Variants in IFNG-AS1 observed in about 807,000 individuals in gnomAD.
IFNG-AS1 encodes the protein IFNG regulatory antisense RNA 1.
chr12:67,997,646 C>T (rs1371019336), intron 2 of IFNG-AS1, among the ~76,000 whole-genome samples: 1 of 150,578 alleles, frequency 6.6e-6, no homozygotes, highest in Non-Finnish European at 1.5e-5. Flanking sequence ...AAAAGATTGA[C>T]GAGTGGCCAC....
At chr12:68,008,387 G>C (rs1010258708) in intron 3 of IFNG-AS1, among the ~76,000 whole-genome samples, 2 of 148,220 alleles carry the variant, frequency 1.3e-5, no homozygotes, top group African/African-American at 5.0e-5. Context: ...CTGCACTCCA[G>C]CCTGGGCGAC....
At chr12:67,997,789 C>A (rs965682942) in intron 2 of IFNG-AS1, among the ~76,000 whole-genome samples, 2 of 151,360 alleles carry the variant, frequency 1.3e-5, no homozygotes, top group African/African-American at 2.4e-5. Flanking sequence ...ATTAAAAACT[C>A]CTAAAATTGA....
intron 4 of IFNG-AS1, chr12:68,021,306 T>C (rs1880284651): frequency 6.6e-6 from 1 of 152,194 alleles, no homozygotes; most frequent in Non-Finnish European, 1.5e-5. Context: ...ACAACAACAG[T>C]AATAATAGCT....
At position 68,007,811 on chromosome 12, in the gene IFNG-AS1, G is replaced by A. The variant is rs114310873; in HGVS notation, n.241+1665G>A. ...GACAGAAGAATAGGAGGCAGAGATAGAGAAAGACAGAGGAAGGGAGAGATG... is the reference window on the plus strand; with the variant it reads ...GACAGAAGAATAGGAGGCAGAGATAAAGAAAGACAGAGGAAGGGAGAGATG... On this transcript the variant is annotated intron_variant and non_coding_transcript_variant, in intron 3 of 5. Transcript: ENST00000536914. Among the ~76,000 whole-genome samples the A allele has an allele frequency of 9.8e-3, 1,489 of 152,320 alleles. 26 individuals carry two copies. Among genetic ancestry groups the A allele is most frequent in the African/African-American group, 0.034 (1,393 of 41,574 alleles).
At chr12:68,007,052 T>A (rs1232439325) in intron 3 of IFNG-AS1, among the ~76,000 whole-genome samples, 2 of 152,236 alleles carry the variant, frequency 1.3e-5, no homozygotes. Flanking sequence ...AGTGCTTATC[T>A]ATAAAAACAG....
At chr12:68,008,937 G>A (rs1343783686) in intron 3 of IFNG-AS1, among the ~76,000 whole-genome samples, 1 of 152,192 alleles carries the variant, frequency 6.6e-6, no homozygotes, top group African/African-American at 2.4e-5. Flanking sequence ...TCTGCTACAA[G>A]CACTCCATGT....
At chr12:68,014,511 TGTG>T (rs1880102462) in intron 3 of IFNG-AS1, among the ~76,000 whole-genome samples, 1 of 152,212 alleles carries the variant, frequency 6.6e-6, no homozygotes, top group East Asian at 1.9e-4. Context: ...GGTATCATAT[TGTG>T]GTTTTGATAT....
intron 1 of IFNG-AS1, among the ~76,000 whole-genome samples, chr12:67,989,995 G>A (rs773045609): frequency 2.0e-5 from 3 of 152,150 alleles, no homozygotes; most frequent in Non-Finnish European, 4.4e-5. Context: ...GGAAGAAAAT[G>A]CCATGGGCGC....
chr12:67,992,524 A>G (rs1384599509), intron 1 of IFNG-AS1, among the ~76,000 whole-genome samples: 1 of 152,208 alleles, frequency 6.6e-6, no homozygotes, highest in East Asian at 1.9e-4. Context: ...TCTAACAGTG[A>G]CAGCTTCCAA....
At chr12:68,015,707 C>T (rs1880136134) in intron 3 of IFNG-AS1, among the ~76,000 whole-genome samples, 1 of 152,076 alleles carries the variant, frequency 6.6e-6, no homozygotes, top group African/African-American at 2.4e-5. Flanking sequence ...AAAGAGGAGT[C>T]AAAGACCAAA....
chr12:68,014,249 G>T (rs1880096612), intron 3 of IFNG-AS1, among the ~76,000 whole-genome samples: 1 of 152,174 alleles, frequency 6.6e-6, no homozygotes, highest in Admixed American at 6.5e-5. Context: ...TGCTATAAAC[G>T]TGTGTGCAAG....
intron 1 of IFNG-AS1, among the ~76,000 whole-genome samples, chr12:67,994,495 A>AT (rs1271512544): frequency 1.3e-5 from 2 of 152,164 alleles, no homozygotes; most frequent in African/African-American, 4.8e-5. Context: ...AAATACGGAG[A>AT]TTTTTTAAAT....
intron 1 of IFNG-AS1, among the ~76,000 whole-genome samples, chr12:67,991,683 C>T (rs978407469): frequency 2.6e-5 from 4 of 152,190 alleles, no homozygotes; most frequent in Non-Finnish European, 4.4e-5. Context: ...TTGGCTTCTC[C>T]GCACCAGGGA....
intron 3 of IFNG-AS1, among the ~76,000 whole-genome samples, chr12:68,009,796 T>G (rs1024575164): frequency 6.6e-6 from 1 of 152,192 alleles, no homozygotes; most frequent in African/African-American, 2.4e-5. Flanking sequence ...GGCTTTATCA[T>G]CATCTCATCC....
chr12:67,991,070 A>G (rs1242823782), intron 1 of IFNG-AS1, among the ~76,000 whole-genome samples: 1 of 152,180 alleles, frequency 6.6e-6, no homozygotes, highest in Non-Finnish European at 1.5e-5. Flanking sequence ...TCCTCTCGGG[A>G]CACACACATA....
chr12:67,994,630 C>A (rs969208123), intron 1 of IFNG-AS1, among the ~76,000 whole-genome samples: 1 of 152,184 alleles, frequency 6.6e-6, no homozygotes. Flanking sequence ...AACATGTCTG[C>A]CGCTATTCTA....
chr12:67,994,312 A>G (rs528545792), intron 1 of IFNG-AS1, among the ~76,000 whole-genome samples: 1 of 152,384 alleles, frequency 6.6e-6, no homozygotes, highest in Admixed American at 6.5e-5. Flanking sequence ...GTTCAAATCA[A>G]TAAGTCACAG....
At chr12:68,001,499 T>C (rs1044315232) in intron 2 of IFNG-AS1, 1 of 252,376 alleles carries the variant, frequency 4.0e-6, no homozygotes, top group Non-Finnish European at 8.0e-6. Flanking sequence ...ATTTTGCTTT[T>C]GTTTCTTGGC....
chr12:67,994,525 T>G (rs1460381314), intron 1 of IFNG-AS1, among the ~76,000 whole-genome samples: 1 of 152,200 alleles, frequency 6.6e-6, no homozygotes, highest in Non-Finnish European at 1.5e-5. Flanking sequence ...TATCCTAACT[T>G]GGTAAAACCC....
Sources: gnomAD v4.1 joint callset for allele counts (sites outside exome capture counted in the v4.1 genomes callset) on GRCh38, gnomAD v4.1.1 for gene constraint, MANE v1.5 for transcripts, NCBI Gene and HGNC (gene_info 2026-07-23, HGNC 2026-07-21) for gene names.